Variants in MGAT4C observed in about 807,000 individuals in gnomAD.
MGAT4C encodes the protein alpha-1,3-mannosyl-glycoprotein 4-beta-N-acetylglucosaminyltransferase C.
MGAT4C carries 19 observed loss-of-function variants against 40.1 expected under a neutral mutation model. The ratio of observed to expected loss-of-function variants is 0.47; its 90% CI spans 0.33 to 0.70. The LOEUF is 0.70. MGAT4C is among the 30% of genes least tolerant of loss of function. The probability of loss-of-function intolerance (pLI) is 0.02; values close to 1 mark genes in which losing one functional copy is unlikely to be tolerated. For missense variants in MGAT4C, 491 were observed against 563.2 expected (o/e 0.87, Z 1.30); for synonymous variants, 181 against 187.1 (o/e 0.97, Z 0.27).
intron 4 of MGAT4C, among the ~76,000 whole-genome samples, chr12:86,291,618 G>C (rs1428297068): frequency 3.3e-5 from 5 of 152,140 alleles, no homozygotes; most frequent in African/African-American, 1.2e-4. Context: ...TAGTGTATCT[G>C]TATCTGTCAT....
intron 1 of MGAT4C, among the ~76,000 whole-genome samples, chr12:86,065,294 T>A (rs1337839710): frequency 6.6e-6 from 1 of 152,082 alleles, no homozygotes; most frequent in Non-Finnish European, 1.5e-5. Context: ...CTGATGAACA[T>A]ACATGAAAAA....
intron 1 of MGAT4C, among the ~76,000 whole-genome samples, chr12:86,154,768 A>C (rs919835427): frequency 2.0e-5 from 3 of 152,236 alleles, no homozygotes; most frequent in African/African-American, 7.2e-5. Context: ...AGAGCTTAGC[A>C]ATATCTAGTA....
intron 1 of MGAT4C, among the ~76,000 whole-genome samples, chr12:86,126,790 A>G (rs979202769): frequency 1.1e-4 from 16 of 152,194 alleles, no homozygotes; most frequent in African/African-American, 3.9e-4. Context: ...GAGTGTACTA[A>G]CATGAATCTA....
At chr12:86,408,266 T>A (rs1207101242) in intron 3 of MGAT4C, among the ~76,000 whole-genome samples, 10 of 151,986 alleles carry the variant, frequency 6.6e-5, no homozygotes, top group African/African-American at 1.9e-4. Context: ...CCATCATAGA[T>A]TTTCAATCAC....
At chr12:86,018,868 G>A (rs926786781) in intron 2 of MGAT4C, among the ~76,000 whole-genome samples, 12 of 152,078 alleles carry the variant, frequency 7.9e-5, no homozygotes, top group African/African-American at 2.4e-4. Context: ...TGACAGGATT[G>A]AGATTTCCTG....
At chr12:86,084,374 T>G (rs1019684852) in intron 1 of MGAT4C, among the ~76,000 whole-genome samples, 13 of 152,068 alleles carry the variant, frequency 8.5e-5, no homozygotes, top group Admixed American at 8.5e-4. Context: ...AATATTTTAT[T>G]GATAAATCTA....
At chr12:86,091,857 A>G (rs1368480279) in intron 1 of MGAT4C, among the ~76,000 whole-genome samples, 1 of 149,076 alleles carries the variant, frequency 6.7e-6, no homozygotes, top group East Asian at 1.9e-4. Context: ...CACCAGAGAC[A>G]CAAAGACATT....
At chr12:86,237,025 T>C (rs2136032021) in intron 1 of MGAT4C, among the ~76,000 whole-genome samples, 1 of 150,842 alleles carries the variant, frequency 6.6e-6, no homozygotes, top group African/African-American at 2.4e-5. Flanking sequence ...TATATATATG[T>C]GTATTCCATC....
At chr12:86,725,766 C>T (rs1042428017) in intron 2 of MGAT4C, among the ~76,000 whole-genome samples, 6 of 152,110 alleles carry the variant, frequency 3.9e-5, no homozygotes, top group Admixed American at 1.3e-4. Flanking sequence ...CCCGGCCCAG[C>T]GCCCCCTTTT....
At chr12:86,613,221 A>C (rs1962343077) in intron 2 of MGAT4C, among the ~76,000 whole-genome samples, 1 of 152,208 alleles carries the variant, frequency 6.6e-6, no homozygotes, top group Non-Finnish European at 1.5e-5. Flanking sequence ...CACAACTGTC[A>C]ATAAAGAAAA....
chr12:86,838,100 A>C (rs1164997444), intron 1 of MGAT4C, among the ~76,000 whole-genome samples: 1 of 152,194 alleles, frequency 6.6e-6, no homozygotes, highest in African/African-American at 2.4e-5. Flanking sequence ...TTTCAAACTC[A>C]AAAATAGATA....
At chr12:86,749,231 T>C (rs1283961373) in intron 1 of MGAT4C, among the ~76,000 whole-genome samples, 1 of 151,748 alleles carries the variant, frequency 6.6e-6, no homozygotes, top group Non-Finnish European at 1.5e-5. Flanking sequence ...ATAGATGCAC[T>C]TTAAATATTT....
chr12:86,053,547 C>T (rs1023393868), intron 1 of MGAT4C, among the ~76,000 whole-genome samples: 8 of 151,410 alleles, frequency 5.3e-5, no homozygotes, highest in African/African-American at 1.9e-4. Flanking sequence ...ATTAAGACCC[C>T]AAAAGCATAG....
chr12:85,993,806 A>T (rs980302434), intron 2 of MGAT4C, among the ~76,000 whole-genome samples: 1 of 152,188 alleles, frequency 6.6e-6, no homozygotes, highest in Admixed American at 6.5e-5. Flanking sequence ...GTGGACCCGC[A>T]GACCCCAGAG....
rs141852162 is a variant in MGAT4C at position 86,621,812 on chromosome 12, C to G, written c.-229+105397G>C. Among the ~76,000 whole-genome samples, 493 of 152,254 alleles carry G rather than the reference C, an allele frequency of 3.2e-3. 3 individuals are homozygous for G. Among genetic ancestry groups the G allele is most frequent in the African/African-American group, 0.011 (476 of 41,562 alleles). On this transcript the variant is annotated intron_variant, in intron 2 of 7. Coordinates refer to the MGAT4C transcript ENST00000548651. Reference sequence around the variant, plus strand: ...TTGACTTAACAATTTTTCAACTTTGCAGTGATGGAAAAGCCATATGCATTT... The same window carrying G: ...TTGACTTAACAATTTTTCAACTTTGGAGTGATGGAAAAGCCATATGCATTT...
At chr12:86,251,335 T>C (rs1170141939) in intron 1 of MGAT4C, among the ~76,000 whole-genome samples, 1 of 152,126 alleles carries the variant, frequency 6.6e-6, no homozygotes, top group East Asian at 1.9e-4. Context: ...CAAATGAATG[T>C]ATCCTTTAAC....
chr12:86,468,431 C>T (rs893736069), intron 2 of MGAT4C, among the ~76,000 whole-genome samples: 1 of 152,062 alleles, frequency 6.6e-6, no homozygotes, highest in Non-Finnish European at 1.5e-5. Flanking sequence ...TTTATCTTCC[C>T]AGAGATTTTT....
chr12:86,520,065 AATTTAAC>A (rs1958766107), intron 2 of MGAT4C, among the ~76,000 whole-genome samples: 1 of 151,932 alleles, frequency 6.6e-6, no homozygotes, highest in Non-Finnish European at 1.5e-5. Flanking sequence ...ATTTCTTTTT[AATTTAAC>A]ATTTATTTTA....
At chr12:86,707,982 G>C (rs1950492601) in intron 2 of MGAT4C, among the ~76,000 whole-genome samples, 1 of 152,210 alleles carries the variant, frequency 6.6e-6, no homozygotes, top group Non-Finnish European at 1.5e-5. Flanking sequence ...TTTTAGAGGA[G>C]AAATTCAAGC....
Sources: allele counts gnomAD v4.1 joint callset (sites outside exome capture counted in the v4.1 genomes callset), GRCh38; gene constraint gnomAD v4.1.1; transcripts MANE v1.5; gene names NCBI Gene and HGNC (gene_info 2026-07-23, HGNC 2026-07-21).